The following CADPS variants were observed in gnomAD, a reference collection of about 807,000 sequenced individuals.
CADPS encodes the protein calcium dependent secretion activator, also known as calcium-dependent secretion activator 1.
In CADPS, 57 loss-of-function variants were observed where a neutral mutation model predicts 167.3. The observed-to-expected ratio is 0.34, with a 90% CI of 0.28 to 0.42. The LOEUF (loss-of-function observed/expected upper bound fraction) is 0.42. Ranked by LOEUF, CADPS falls within the 20% of genes least tolerant of loss-of-function variation. The probability of loss-of-function intolerance (pLI) is 1.00; values close to 1 mark genes in which losing one functional copy is unlikely to be tolerated. For synonymous variants in CADPS, 676 were observed against 635.3 expected (o/e 1.06, Z -0.96); for missense variants, 1,414 against 1,738.1 (o/e 0.81, Z 3.32).
intron 3 of CADPS, among the ~76,000 whole-genome samples, chr3:62,681,734 T>C (rs539281734): frequency 6.6e-6 from 1 of 152,216 alleles, no homozygotes; most frequent in East Asian, 1.9e-4. Context: ...GGGGCCTTGT[T>C]ACAGAGTGTC....
chr3:62,604,946 A>G (rs2149169764), intron 6 of CADPS, among the ~76,000 whole-genome samples: 1 of 152,310 alleles, frequency 6.6e-6, no homozygotes, highest in South Asian at 2.1e-4. Flanking sequence ...ACCAACTCCT[A>G]TTTAATTTCC....
In CADPS at chr3:62,455,641, T is replaced by C. The variant is rs1306955357; in HGVS notation, c.3636+9726A>G. Among the ~76,000 whole-genome samples, 2 of 152,204 alleles carry C rather than the reference T, an allele frequency of 1.3e-5. No individual in the cohort carries two copies. The highest frequency in any genetic ancestry group is 2.9e-5 in the Non-Finnish European group (2 of 68,038). On this transcript the variant is annotated intron_variant, in intron 26 of 29. Transcript: ENST00000383710. This position sits in a 1 kb window ranked among gnomAD's most constrained non-coding sequence, Gnocchi z 4.4. The stretch of plus-strand genomic sequence containing the variant: ...CTCCAAGCAGACATGTAAGCTTATT[T>C]TTGCGGATTTTAAGTGGGGGCCCCT...
intron 1 of CADPS, among the ~76,000 whole-genome samples, chr3:62,855,984 A>C (rs1407122553): frequency 1.3e-5 from 2 of 152,310 alleles, no homozygotes; most frequent in East Asian, 1.9e-4. Context: ...TATTTAATAT[A>C]AACAAAGACT....
intron 13 of CADPS, among the ~76,000 whole-genome samples, chr3:62,519,792 A>AC (rs1553868941): frequency 9.4e-5 from 14 of 148,160 alleles, no homozygotes; most frequent in Non-Finnish European, 1.4e-4. Context: ...ACAAAAACAA[A>AC]TTTTTTTTTT....
At chr3:62,489,412 G>A (rs532920008) in intron 21 of CADPS, among the ~76,000 whole-genome samples, 5 of 152,274 alleles carry the variant, frequency 3.3e-5, no homozygotes, top group Admixed American at 6.5e-5. Context: ...CACCCGCCTC[G>A]GCCTCCCAAA....
At chr3:62,561,292 G>A (rs925360355) in intron 9 of CADPS, among the ~76,000 whole-genome samples, 3 of 151,802 alleles carry the variant, frequency 2.0e-5, no homozygotes, top group Non-Finnish European at 4.4e-5. Flanking sequence ...TCTTGCTGTC[G>A]CTCAGGCTGA....
chr3:62,439,500 G>A (rs2055857931), intron 27 of CADPS: 2 of 152,166 alleles, frequency 1.3e-5, no homozygotes, highest in South Asian at 4.2e-4. Flanking sequence ...TCAGCGAATG[G>A]ATTGAGCAGG....
chr3:62,652,412 A>C (rs2070411383), intron 4 of CADPS, among the ~76,000 whole-genome samples: 1 of 151,920 alleles, frequency 6.6e-6, no homozygotes, highest in African/African-American at 2.4e-5. Context: ...AAAAAAAAAA[A>C]AAAAAAAAAA....
Position 62,420,813 on chromosome 3 carries a change from C to T in CADPS, c.3777+17291G>A, listed in dbSNP as rs1378694779. Among the ~76,000 whole-genome samples, 1 of 151,930 alleles carries T rather than the reference C, an allele frequency of 6.6e-6. No homozygotes were observed. Among genetic ancestry groups the T allele is most frequent in the African/African-American group, 2.4e-5 (1 of 41,374 alleles). Reference sequence around the variant, plus strand: ...AAACCGTATTCTCCTCTTTCTACTTCTCACTGCATATGACTCTATTTTTTT... The same window carrying T: ...AAACCGTATTCTCCTCTTTCTACTTTTCACTGCATATGACTCTATTTTTTT... On this transcript the variant is annotated intron_variant, in intron 28 of 29. Transcript: ENST00000383710. The surrounding 1 kb of genome is among the most constrained non-coding windows in gnomAD (Gnocchi z 4.1).
chr3:62,815,601 A>G (rs1211999771), intron 1 of CADPS, among the ~76,000 whole-genome samples: 1 of 152,170 alleles, frequency 6.6e-6, no homozygotes, highest in African/African-American at 2.4e-5. Flanking sequence ...GACACATGAG[A>G]AAGGCAGAAG....
At chr3:62,613,212 G>T (rs145140691) in intron 6 of CADPS, among the ~76,000 whole-genome samples, 78 of 152,282 alleles carry the variant, frequency 5.1e-4, no homozygotes, top group Non-Finnish European at 8.1e-4. Flanking sequence ...CTCAACAGAA[G>T]GAAGCGATCT....
intron 1 of CADPS, among the ~76,000 whole-genome samples, chr3:62,858,667 T>G (rs547752902): frequency 2.0e-5 from 3 of 152,362 alleles, no homozygotes; most frequent in Non-Finnish European, 4.4e-5. Context: ...AAGCTTCATT[T>G]GAACTTCAAT....
intron 28 of CADPS, among the ~76,000 whole-genome samples, chr3:62,424,639 G>C (rs1213539297): frequency 6.6e-6 from 1 of 152,120 alleles, no homozygotes; most frequent in Non-Finnish European, 1.5e-5. Context: ...TTACAAAATT[G>C]TTTCAAAAGT....
At chr3:62,751,526 A>C (rs113194341) in intron 3 of CADPS, among the ~76,000 whole-genome samples, 2,726 of 152,060 alleles carry the variant, frequency 0.018, 86 homozygotes, top group African/African-American at 0.061. Flanking sequence ...AGGTTCAAGC[A>C]ATTCTCCTGC....
intron 9 of CADPS, among the ~76,000 whole-genome samples, chr3:62,564,428 G>T (rs2079750870): frequency 6.6e-6 from 1 of 152,136 alleles, no homozygotes; most frequent in South Asian, 2.1e-4. Flanking sequence ...GTACAGAAAG[G>T]TTGTGAAGAC....
chr3:62,551,252 A>G (rs1013605843), intron 10 of CADPS, among the ~76,000 whole-genome samples: 1 of 151,930 alleles, frequency 6.6e-6, no homozygotes, highest in African/African-American at 2.4e-5. Flanking sequence ...AGCTGAGCCC[A>G]TCTCTCTTGC....
intron 1 of CADPS, among the ~76,000 whole-genome samples, chr3:62,866,567 T>G (rs1480444421): frequency 6.6e-6 from 1 of 152,008 alleles, no homozygotes; most frequent in African/African-American, 2.4e-5. Context: ...TACAAAGCTT[T>G]GAGTAAGGTT....
chr3:62,575,688 C>G (rs1298847295), intron 8 of CADPS, among the ~76,000 whole-genome samples: 2 of 152,192 alleles, frequency 1.3e-5, no homozygotes, highest in Non-Finnish European at 2.9e-5. Flanking sequence ...AACTCTAAAG[C>G]ACCCTCTTCT....
At chr3:62,734,566 C>T (rs558099135) in intron 3 of CADPS, among the ~76,000 whole-genome samples, 2 of 152,098 alleles carry the variant, frequency 1.3e-5, no homozygotes, top group Non-Finnish European at 2.9e-5. Context: ...AATACATACT[C>T]CTTGGGTTTG....
Sources: gnomAD v4.1 joint callset for allele counts (sites outside exome capture counted in the v4.1 genomes callset) on GRCh38, gnomAD v4.1.1 for gene constraint, Gnocchi (gnomAD v3.1) non-coding constraint, MANE v1.5 for transcripts, NCBI Gene and HGNC (gene_info 2026-07-23, HGNC 2026-07-21) for gene names.